Variants in POU2F1 observed in about 807,000 individuals in gnomAD.
The protein encoded by POU2F1 is POU class 2 homeobox 1.
Under a neutral mutation model 84.9 loss-of-function variants are expected in POU2F1, and 16 were observed. That is an observed-to-expected ratio of 0.19 (90% CI 0.13 to 0.29). The LOEUF (loss-of-function observed/expected upper bound fraction) is 0.29. POU2F1 is among the 10% of genes least tolerant of loss of function. POU2F1 has a pLI of 1.00. For synonymous variants in POU2F1, 368 were observed against 368.3 expected (o/e 1.00, Z 0.01); for missense variants, 738 against 942.6 (o/e 0.78, Z 2.84).
intron 1 of POU2F1, chr1:167,329,069 C>G: frequency 4.1e-6 from 5 of 1,207,000 alleles, no homozygotes; most frequent in Non-Finnish European, 5.2e-6. Context: ...ACTGAAGTTT[C>G]CTTATTCAGT....
intron 3 of POU2F1, among the ~76,000 whole-genome samples, chr1:167,367,264 T>C (rs779812124): frequency 9.9e-5 from 15 of 152,218 alleles, no homozygotes; most frequent in Non-Finnish European, 1.8e-4. Flanking sequence ...ACCATAATTA[T>C]AATATACATA....
At chr1:167,399,484 G>A in intron 12 of POU2F1, 119 bp downstream of exon 12, 1 of 881,522 alleles carries the variant, frequency 1.1e-6, no homozygotes. Flanking sequence ...TCAAATAAAT[G>A]CATGTAAATT....
chr1:167,370,894 C>T (rs905317894), intron 4 of POU2F1, among the ~76,000 whole-genome samples: 1 of 152,188 alleles, frequency 6.6e-6, no homozygotes, highest in African/African-American at 2.4e-5. Context: ...ATGCAAAGTT[C>T]AAGTGTTAGA....
At chr1:167,394,489 C>T (rs1648662557) in intron 9 of POU2F1, among the ~76,000 whole-genome samples, 6 of 152,148 alleles carry the variant, frequency 3.9e-5, no homozygotes, top group Admixed American at 3.9e-4. Context: ...AATCAATAAA[C>T]AGTCTACTTC....
intron 12 of POU2F1, among the ~76,000 whole-genome samples, chr1:167,399,968 C>CTTT (rs67562017): frequency 1.6e-4 from 10 of 61,424 alleles, no homozygotes; most frequent in Non-Finnish European, 1.6e-4. Flanking sequence ...CATTCCCAGT[C>CTTT]TTTTTTTTTT....
intron 13 of POU2F1, among the ~76,000 whole-genome samples, chr1:167,407,045 TTATTA>T (rs1649630028): frequency 2.9e-5 from 1 of 34,508 alleles, no homozygotes; most frequent in Non-Finnish European, 1.4e-4. Flanking sequence ...TATTTTATTA[TTATTA>T]TTATTTGTTT....
intron 1 of POU2F1, among the ~76,000 whole-genome samples, chr1:167,258,411 C>G (rs908800826): frequency 4.6e-5 from 7 of 152,156 alleles, no homozygotes; most frequent in Non-Finnish European, 1.0e-4. Flanking sequence ...AAACTTGATC[C>G]TTTATTTCCT....
At chr1:167,276,118 A>G (rs1364015590) in intron 1 of POU2F1, among the ~76,000 whole-genome samples, 1 of 152,218 alleles carries the variant, frequency 6.6e-6, no homozygotes, top group East Asian at 1.9e-4. Flanking sequence ...AATCCAAGAC[A>G]TAATTTATAA....
intron 1 of POU2F1, among the ~76,000 whole-genome samples, chr1:167,253,999 T>G (rs1470658010): frequency 6.6e-6 from 1 of 152,170 alleles, no homozygotes; most frequent in South Asian, 2.1e-4. Context: ...TTGACTAGAG[T>G]GTAGAATGGA....
chr1:167,293,650 T>C (rs964344455), intron 1 of POU2F1, among the ~76,000 whole-genome samples: 1 of 152,054 alleles, frequency 6.6e-6, no homozygotes, highest in East Asian at 1.9e-4. Context: ...TAGCCAAAGG[T>C]AATTGTAAAC....
chr1:167,303,596 A>C (rs1654860309), intron 1 of POU2F1: 1 of 153,366 alleles, frequency 6.5e-6, no homozygotes, highest in South Asian at 2.0e-4. Context: ...CTGCTAAATA[A>C]AGCTATTAAT....
At position 167,389,437 on chromosome 1, in the gene POU2F1, GCTCA is replaced by G. The variant is rs1354160721; in HGVS notation, c.814-148_814-145del. On this transcript the variant is annotated intron_variant, in intron 8 of 15. Coordinates refer to ENST00000367866, the MANE Select transcript of POU2F1 (RefSeq NM_002697.4). ...TATACATAATTTCACTGTCTGCTTT[GCTCA>G]CTGAACATTATGTTGTACATTCTGT... 2.9e-5 allele frequency: 21 copies of G among 715,718 alleles called. No individual in the cohort carries two copies. In the African/African-American group the frequency reaches 3.7e-4, roughly 13 times the overall value. The allele number at this position is 715,718 out of a possible 1,614,324, so 44.3% of individuals were successfully genotyped here. A position where few individuals can be genotyped will look rare whatever the true frequency, so the allele number is the denominator to read the frequency against.
chr1:167,324,904 G>A (rs1448131068), intron 1 of POU2F1, among the ~76,000 whole-genome samples: 1 of 152,282 alleles, frequency 6.6e-6, no homozygotes, highest in African/African-American at 2.4e-5. Context: ...GACACTGAGA[G>A]CCCCATAATG....
intron 1 of POU2F1, among the ~76,000 whole-genome samples, chr1:167,287,814 A>G (rs75373081): frequency 0.013 from 1,931 of 152,304 alleles, 40 homozygotes; most frequent in African/African-American, 0.045. Flanking sequence ...TCCAAGCGAG[A>G]TAGGTAAAAA....
At chr1:167,360,088 G>A (rs1360396700) in intron 2 of POU2F1, among the ~76,000 whole-genome samples, 1 of 151,774 alleles carries the variant, frequency 6.6e-6, no homozygotes, top group Non-Finnish European at 1.5e-5. Context: ...TGGATGCACA[G>A]TTTGCTAATA....
intron 7 of POU2F1, among the ~76,000 whole-genome samples, chr1:167,377,212 A>G (rs961309584): frequency 6.6e-6 from 1 of 152,228 alleles, no homozygotes; most frequent in Non-Finnish European, 1.5e-5. Context: ...AGACCAGATC[A>G]TTAAAGAACC....
chr1:167,245,611 C>G (rs920554839), intron 1 of POU2F1, among the ~76,000 whole-genome samples: 13 of 152,132 alleles, frequency 8.5e-5, no homozygotes, highest in Middle Eastern at 3.4e-3. Flanking sequence ...CGGGGTTTCT[C>G]CACATTGGTC....
At chr1:167,375,438 A>T (rs776560565) in intron 6 of POU2F1, among the ~76,000 whole-genome samples, 1 of 152,216 alleles carries the variant, frequency 6.6e-6, no homozygotes, top group Non-Finnish European at 1.5e-5. Flanking sequence ...TGAAAATTAT[A>T]AAACAGTAGG....
At position 167,399,216 on chromosome 1, in the gene POU2F1, A is replaced by G. The variant is rs2101913321; in HGVS notation, c.1300A>G (p.Met434Val). ...AAAGCCTACCTCGGAAGAGATCACT[A>G]TGATTGCTGATCAGCTCAATATGGA... Reference protein sequence around the residue: ...NQKPTSEEITMIADQLNMEKE... With the variant: ...NQKPTSEEITVIADQLNMEKE... The change falls in exon 12 of 16, where the codon ATG becomes GTG. Residue 434 changes from methionine to valine, a missense_variant. By Grantham distance (21) the Met-to-Val change is conservative. Around this residue, in one of 4 missense-constraint regions of POU2F1, gnomAD observed 95 missense variants for 195.1 expected, o/e 0.49. Coordinates refer to ENST00000367866, the MANE Select transcript of POU2F1 (RefSeq NM_002697.4). The G allele has an allele frequency of 3.1e-6, 5 of 1,613,528 alleles. No homozygotes were observed. The highest frequency in any genetic ancestry group is 4.2e-6 in the Non-Finnish European group (5 of 1,179,816).
Sources: gnomAD v4.1 joint callset for allele counts (sites outside exome capture counted in the v4.1 genomes callset) on GRCh38, gnomAD v4.1.1 for gene constraint, gnomAD v4.1.1 regional missense constraint, MANE v1.5 for transcripts, NCBI Gene and HGNC (gene_info 2026-07-23, HGNC 2026-07-21) for gene names.